The following PALM variants were observed in gnomAD, a reference collection of about 807,000 sequenced individuals.
The protein encoded by PALM is paralemmin.
In PALM, 18 loss-of-function variants were observed where a neutral mutation model predicts 30.7. The ratio of observed to expected loss-of-function variants is 0.59; its 90% CI spans 0.41 to 0.87. The LOEUF is 0.87. Ranked by LOEUF, PALM falls within the 40% of genes least tolerant of loss-of-function variation. PALM has a pLI of 0.00. For synonymous variants in PALM, 286 were observed against 242.8 expected (o/e 1.18, Z -1.66); for missense variants, 529 against 555.4 (o/e 0.95, Z 0.48).
intron 8 of PALM, among the ~76,000 whole-genome samples, chr19:745,307 T>C (rs996067794): frequency 1.3e-5 from 2 of 152,228 alleles, no homozygotes; most frequent in African/African-American, 4.8e-5. Context: ...CCCAGCTGTG[T>C]CCCTTCTTTG....
intron 1 of PALM, chr19:719,593 C>T: frequency 1.0e-6 from 1 of 986,642 alleles, no homozygotes. Flanking sequence ...CCAGCAGCAC[C>T]AGGACCGCCG....
chr19:719,718 TC>T, intron 1 of PALM: 1 of 766,444 alleles, frequency 1.3e-6, no homozygotes, highest in Non-Finnish European at 1.6e-6. Flanking sequence ...GGGGTCCTGG[TC>T]CCAGCCTCGC....
At position 710,603 on chromosome 19, in the gene PALM, A is replaced by T. The variant is rs1263026823; in HGVS notation, c.5+1452A>T. On this transcript the variant is annotated intron_variant, in intron 1 of 8. Coordinates refer to ENST00000338448, the MANE Select transcript of PALM (RefSeq NM_002579.3). The stretch of plus-strand genomic sequence containing the variant: ...TCGGGCCCATTGTTTCCTTCCTGCC[A>T]CCCCTTCCTTTCCCACGGGGGATAC... 2.0e-5 allele frequency among the ~76,000 whole-genome samples: 3 copies of T among 146,756 alleles called. No individual in the cohort carries two copies. The East Asian group carries it at 6.1e-4, about 30-fold the overall frequency.
chr19:716,936 CTT>C (rs879839131), intron 1 of PALM, among the ~76,000 whole-genome samples: 3 of 146,132 alleles, frequency 2.1e-5, no homozygotes, highest in Non-Finnish European at 3.0e-5. Flanking sequence ...ACAGGGTGTA[CTT>C]TTTTTTTTTT....
At chr19:714,320 A>T (rs1326575201) in intron 1 of PALM, among the ~76,000 whole-genome samples, 1 of 134,374 alleles carries the variant, frequency 7.4e-6, no homozygotes, top group Admixed American at 7.5e-5. Context: ...GATTACACGC[A>T]TGAGCCACCG....
intron 5 of PALM, among the ~76,000 whole-genome samples, chr19:733,493 A>C (rs895024819): frequency 2.6e-5 from 4 of 152,188 alleles, no homozygotes; most frequent in Non-Finnish European, 5.9e-5. Context: ...GCCTGTGTGC[A>C]GGGTCTGACC....
At chr19:744,297 G>T (rs1020640488) in intron 8 of PALM, among the ~76,000 whole-genome samples, 5 of 151,830 alleles carry the variant, frequency 3.3e-5, no homozygotes, top group African/African-American at 1.2e-4. Context: ...CTAGTCAGGA[G>T]GCTGAGGCAG....
At chr19:711,984 C>T (rs1196924676) in intron 1 of PALM, among the ~76,000 whole-genome samples, 1 of 151,930 alleles carries the variant, frequency 6.6e-6, no homozygotes, top group Non-Finnish European at 1.5e-5. Context: ...TTCCACGGCC[C>T]TGTTTTGAGT....
intron 1 of PALM, among the ~76,000 whole-genome samples, chr19:720,179 CG>C (rs1349860911): frequency 6.6e-6 from 1 of 151,802 alleles, no homozygotes; most frequent in African/African-American, 2.4e-5. Context: ...AAGCACAGGC[CG>C]GGGGCGGGAG....
At chr19:734,936 G>A (rs1176706855) in intron 6 of PALM, 8 of 375,946 alleles carry the variant, frequency 2.1e-5, no homozygotes, top group Non-Finnish European at 2.9e-5. Flanking sequence ...GGTTTGTTGT[G>A]TGTTAATTAT....
chr19:714,819 A>T (rs984171382), intron 1 of PALM, among the ~76,000 whole-genome samples: 13 of 151,740 alleles, frequency 8.6e-5, no homozygotes, highest in Non-Finnish European at 1.3e-4. Flanking sequence ...GCTAATTATT[A>T]TGTTTTGTTT....
At position 746,347 on chromosome 19, in the gene PALM, G is replaced by T; in HGVS notation, c.697G>T (p.Asp233Tyr). The change falls in exon 9 of 9, where the codon GAC becomes TAC. Residue 233 changes from aspartate (D) to tyrosine (Y), a missense_variant. Transcript: ENST00000338448. The surrounding 1 kb of genome is among the most constrained non-coding windows in gnomAD (Gnocchi z 7.1). ...GIHPLSSSEV[D>Y]ELIHKADEVT... ...CCACCCCCTGAGCTCCTCCGAGGTGGACGAACTCATCCACAAAGCGGACGA... is the reference window on the plus strand; with the variant it reads ...CCACCCCCTGAGCTCCTCCGAGGTGTACGAACTCATCCACAAAGCGGACGA... 1.2e-6 allele frequency: 2 copies of T among 1,613,572 alleles called. No homozygotes were observed. Among genetic ancestry groups the T allele is most frequent in the Middle Eastern group, 3.3e-4 (2 of 6,060 alleles).
chr19:725,478 T>C (rs2032630106), intron 1 of PALM, among the ~76,000 whole-genome samples: 1 of 152,076 alleles, frequency 6.6e-6, no homozygotes, highest in Non-Finnish European at 1.5e-5. Context: ...GGAGAATCGC[T>C]TGAACCCAGG....
chr19:741,153 T>A (rs938099039), intron 8 of PALM, among the ~76,000 whole-genome samples: 1 of 151,686 alleles, frequency 6.6e-6, no homozygotes, highest in Admixed American at 6.6e-5. Flanking sequence ...GAATAAAAAA[T>A]AATAATAAAG....
intron 7 of PALM, among the ~76,000 whole-genome samples, chr19:737,603 C>G (rs146008826): frequency 6.6e-6 from 1 of 152,240 alleles, no homozygotes; most frequent in African/African-American, 2.4e-5. Context: ...TGAGCAAAGA[C>G]CCAGAGGTGC....
At chr19:727,186 A>G in intron 3 of PALM, 98 bp downstream of exon 3, 2 of 765,404 alleles carry the variant, frequency 2.6e-6, no homozygotes, top group Admixed American at 4.6e-5. Context: ...CCCAATCCCA[A>G]CCTGACCCTG....
At chr19:744,304 G>A (rs2033272213) in intron 8 of PALM, among the ~76,000 whole-genome samples, 1 of 151,512 alleles carries the variant, frequency 6.6e-6, no homozygotes, top group Admixed American at 6.6e-5. Context: ...GGAGGCTGAG[G>A]CAGGAGAATG....
In PALM at chr19:746,628, G is replaced by T; in HGVS notation, c.978G>T (p.Ala326=). The T allele has an allele frequency of 6.2e-7, 1 of 1,612,982 alleles. No homozygotes were observed. The highest frequency in any genetic ancestry group is 8.5e-7 in the Non-Finnish European group (1 of 1,179,852). ...TGGGCCTTCAAGATACCATCACGGC[G>T]GAGCTGGTGGTCATCGAAGACGCGG... ...KVLGLQDTIT[A]ELVVIEDAAE... Residue 326 remains alanine, a synonymous_variant, in exon 9 of 9, where the codon GCG becomes GCT. Transcript: ENST00000338448. This position sits in a 1 kb window ranked among gnomAD's most constrained non-coding sequence, Gnocchi z 7.1.
chr19:709,073 C>T lies in PALM; in HGVS notation c.-74C>T. 1 of 239,788 alleles carries T rather than the reference C, an allele frequency of 4.2e-6. No homozygotes were observed. 14.9% of individuals were successfully genotyped at this position (239,788 alleles called of 1,614,324 possible). A position where few individuals can be genotyped will look rare whatever the true frequency, so the allele number is the denominator to read the frequency against. On this transcript the variant is annotated 5_prime_UTR_variant, in exon 1 of 9. Coordinates refer to ENST00000338448, the MANE Select transcript of PALM (RefSeq NM_002579.3). The surrounding 1 kb of genome is among the most constrained non-coding windows in gnomAD (Gnocchi z 4.3). ...CCCCCGCCAGGCCGCGTCCCCCTCCCCTCCCCTCCCCCGCGCGCCACCCGC... is the reference window on the plus strand; with the variant it reads ...CCCCCGCCAGGCCGCGTCCCCCTCCTCTCCCCTCCCCCGCGCGCCACCCGC...
Sources: gnomAD v4.1 joint callset for allele counts (sites outside exome capture counted in the v4.1 genomes callset) on GRCh38, gnomAD v4.1.1 for gene constraint, Gnocchi (gnomAD v3.1) non-coding constraint, MANE v1.5 for transcripts, NCBI Gene and HGNC (gene_info 2026-07-23, HGNC 2026-07-21) for gene names.